The following PIK3C2G variants were observed in gnomAD, a reference collection of about 807,000 sequenced individuals.
PIK3C2G encodes phosphatidylinositol-4-phosphate 3-kinase catalytic subunit type 2 gamma.
PIK3C2G carries 168 observed loss-of-function variants against 181.1 expected under a neutral mutation model. The observed-to-expected ratio is 0.93, with a 90% CI of 0.82 to 1.05. The LOEUF is 1.05. Ranked by LOEUF, PIK3C2G falls within the 50% of genes least tolerant of loss-of-function variation. The pLI, the probability that PIK3C2G is intolerant of heterozygous loss-of-function variation, is 0.00. For synonymous variants in PIK3C2G, 573 were observed against 592.2 expected (o/e 0.97, Z 0.47); for missense variants, 1,869 against 1,732.8 (o/e 1.08, Z -1.40).
At chr12:18,609,672 C>A in intron 31 of PIK3C2G, 43 bp downstream of exon 31, 2 of 1,213,704 alleles carry the variant, frequency 1.6e-6, no homozygotes, top group Non-Finnish European at 2.4e-6. Context: ...AGCCTACATC[C>A]AGAAATCACT....
At chr12:18,641,854 A>G (rs600916) in intron 32 of PIK3C2G, among the ~76,000 whole-genome samples, 126,128 of 151,320 alleles carry the variant, frequency 0.83, 52,997 homozygotes, top group East Asian at 0.92. Context: ...GATTCAAGCA[A>G]TTCTCCTGTT....
At chr12:18,624,534 G>C (rs1467978299) in intron 31 of PIK3C2G, among the ~76,000 whole-genome samples, 2 of 151,510 alleles carry the variant, frequency 1.3e-5, no homozygotes, top group Non-Finnish European at 3.0e-5. Context: ...TATATTGTAA[G>C]GGTAATGCTG....
chr12:18,662,913 C>T, the PIK3C2G span, among the ~76,000 whole-genome samples: 1 of 151,954 alleles, frequency 6.6e-6, no homozygotes, highest in African/African-American at 2.4e-5. Flanking sequence ...CAACTAAACA[C>T]AAAAAGACAG....
chr12:18,420,903 C>A (rs375857420), intron 16 of PIK3C2G, 38 bp from the exon 17 acceptor site: 12 of 1,065,424 alleles, frequency 1.1e-5, no homozygotes, highest in Non-Finnish European at 1.5e-5. Flanking sequence ...TTATTCCTTA[C>A]CATTAACAGC....
chr12:18,497,494 A>G (rs1336995146), intron 21 of PIK3C2G, 125 bp from the exon 22 acceptor site: 5 of 634,526 alleles, frequency 7.9e-6, no homozygotes. Flanking sequence ...TAACAAAACC[A>G]TTAAAACCAC....
the PIK3C2G span, chr12:18,694,781 A>G: frequency 2.2e-5 from 16 of 732,488 alleles, no homozygotes; most frequent in Non-Finnish European, 3.5e-5. Context: ...CTACCCACAT[A>G]TAGTACCTGA....
chr12:18,404,362 A>G (rs1029308305), intron 16 of PIK3C2G, among the ~76,000 whole-genome samples: 6 of 152,166 alleles, frequency 3.9e-5, no homozygotes, highest in African/African-American at 1.4e-4. Context: ...GCACTGAATC[A>G]AAGAGGTAGA....
intron 5 of PIK3C2G, among the ~76,000 whole-genome samples, chr12:18,301,036 T>C (rs1950152895): frequency 6.6e-6 from 1 of 151,648 alleles, no homozygotes; most frequent in African/African-American, 2.4e-5. Flanking sequence ...TATCATCTCA[T>C]TCTTACATGG....
chr12:18,621,091 C>T (rs543910855), intron 31 of PIK3C2G, among the ~76,000 whole-genome samples: 2 of 151,850 alleles, frequency 1.3e-5, no homozygotes, highest in African/African-American at 4.8e-5. Flanking sequence ...TCAATAACCA[C>T]TAACAATGGA....
At chr12:18,540,497 A>G (rs554835820) in intron 25 of PIK3C2G, among the ~76,000 whole-genome samples, 13 of 152,046 alleles carry the variant, frequency 8.6e-5, no homozygotes, top group African/African-American at 3.1e-4. Context: ...CTCTTGTTTA[A>G]TAAACTTTTC....
intron 18 of PIK3C2G, among the ~76,000 whole-genome samples, chr12:18,427,823 G>T (rs1261645972): frequency 2.0e-5 from 3 of 151,814 alleles, no homozygotes; most frequent in Admixed American, 6.6e-5. Flanking sequence ...AGTGATTCAA[G>T]GAGAAACTAA....
chr12:18,292,702 TTTG>T (rs1377996999), intron 4 of PIK3C2G, among the ~76,000 whole-genome samples: 1 of 152,198 alleles, frequency 6.6e-6, no homozygotes, highest in Non-Finnish European at 1.5e-5. Context: ...ATGTCTACAT[TTTG>T]AGTTCCAAAG....
intron 24 of PIK3C2G, among the ~76,000 whole-genome samples, chr12:18,537,666 A>C (rs1006578035): frequency 6.6e-6 from 1 of 151,960 alleles, no homozygotes; most frequent in Non-Finnish European, 1.5e-5. Context: ...TTCACTAAGC[A>C]TATGCCAGTG....
the PIK3C2G span, among the ~76,000 whole-genome samples, chr12:18,659,755 T>A: frequency 1.3e-5 from 2 of 151,330 alleles, no homozygotes; most frequent in Non-Finnish European, 2.9e-5. Context: ...ACACGTGCCA[T>A]ATTGGTGTGC....
rs139743018 is a variant in PIK3C2G, at chr12:18,505,948, C to T, written c.3323+487C>T. 9.7e-4 allele frequency among the ~76,000 whole-genome samples: 147 copies of T among 152,230 alleles called. 1 individual carries two copies. The East Asian group carries it at 0.027, about 28-fold the overall frequency. ...AACAGTAAACAAGACAGACACAAAC[C>T]CTGATCTCTTTCTAGTAGGGGTGAC... On this transcript the variant is annotated intron_variant, in intron 24 of 32. Transcript: ENST00000538779.
intron 24 of PIK3C2G, among the ~76,000 whole-genome samples, chr12:18,517,361 T>C (rs1592467616): frequency 6.6e-6 from 1 of 152,328 alleles, no homozygotes; most frequent in East Asian, 1.9e-4. Context: ...TTTCTATCCA[T>C]GAGGATGGGA....
chr12:18,671,503 C>T, the PIK3C2G span, among the ~76,000 whole-genome samples: 3 of 152,064 alleles, frequency 2.0e-5, no homozygotes, highest in African/African-American at 7.2e-5. Context: ...CACTCCAGAG[C>T]TACAGCATTC....
At chr12:18,343,382 G>A in intron 10 of PIK3C2G, 22 bp downstream of exon 10, 1 of 1,223,862 alleles carries the variant, frequency 8.2e-7, no homozygotes. Context: ...ATGTACTCAA[G>A]TATTTTGAAA....
chr12:18,643,377 G>A (rs644554), intron 32 of PIK3C2G, among the ~76,000 whole-genome samples: 1 of 151,704 alleles, frequency 6.6e-6, no homozygotes, highest in East Asian at 1.9e-4. Context: ...CAATTCCGAT[G>A]AGAACATAGT....
Sources: gnomAD v4.1 joint callset for allele counts (sites outside exome capture counted in the v4.1 genomes callset) on GRCh38, gnomAD v4.1.1 for gene constraint, MANE v1.5 for transcripts, NCBI Gene and HGNC (gene_info 2026-07-23, HGNC 2026-07-21) for gene names.